The following GREB1 variants were observed in gnomAD, a reference collection of about 807,000 sequenced individuals.
GREB1 encodes protein GREB1.
GREB1 carries 106 observed loss-of-function variants against 200.7 expected under a neutral mutation model. The ratio of observed to expected loss-of-function variants is 0.53; its 90% CI spans 0.45 to 0.62. GREB1 has a LOEUF of 0.62. Ranked by LOEUF, GREB1 falls within the 20% of genes least tolerant of loss-of-function variation. GREB1 has a pLI of 0.00. For synonymous variants in GREB1, 1,132 were observed against 1,092.4 expected (o/e 1.04, Z -0.72); for missense variants, 2,243 against 2,556.8 (o/e 0.88, Z 2.65).
chr2:11,506,284 A>G (rs1673181314), intron 1 of GREB1, among the ~76,000 whole-genome samples: 1 of 152,208 alleles, frequency 6.6e-6, no homozygotes, highest in Non-Finnish European at 1.5e-5. Flanking sequence ...TAATGTGCCA[A>G]CAGGTAGTTA....
At chr2:11,483,258 G>A (rs1672554264) in intron 1 of GREB1, among the ~76,000 whole-genome samples, 2 of 150,824 alleles carry the variant, frequency 1.3e-5, no homozygotes, top group African/African-American at 4.9e-5. Context: ...GTGTGCGTGT[G>A]TGCACGTGTG....
chr2:11,620,375 G>C (rs1256821734), intron 22 of GREB1, among the ~76,000 whole-genome samples: 2 of 152,162 alleles, frequency 1.3e-5, no homozygotes, highest in Non-Finnish European at 2.9e-5. Flanking sequence ...TTAATAGGAG[G>C]TATGCTAGCC....
chr2:11,583,215 A>G (rs1239824541), intron 7 of GREB1, among the ~76,000 whole-genome samples: 6 of 152,202 alleles, frequency 3.9e-5, no homozygotes, highest in East Asian at 1.9e-4. Context: ...CGTCTCTTCA[A>G]TCCTTACTGA....
chr2:11,615,229 G>A lies in GREB1; in HGVS notation c.3261G>A (p.Leu1087=). Residue 1087 remains leucine (L), a synonymous_variant, in exon 20 of 33, where the codon TTG becomes TTA. Coordinates refer to ENST00000381486, the MANE Select transcript of GREB1 (RefSeq NM_014668.4). The part of the protein sequence containing the change: ...PLEKGARNEA[L]ESDAEKLSST... ...AGAAGGGGGCTAGGAACGAGGCCTT[G>A]GAGAGTGATGCTGAGAAGCTGAGCA... 1 of 1,612,870 alleles carries A rather than the reference G, an allele frequency of 6.2e-7. No individual in the cohort carries two copies. The highest frequency in any genetic ancestry group is 2.2e-5 in the East Asian group (1 of 44,832).
At chr2:11,626,840 C>A in intron 24 of GREB1, 122 bp from the exon 25 acceptor site, 1 of 1,015,054 alleles carries the variant, frequency 9.9e-7, no homozygotes, top group Non-Finnish European at 1.5e-6. Flanking sequence ...AGGCAGTCCT[C>A]CCCAACCAGA....
chr2:11,496,225 G>T (rs1481906048), intron 1 of GREB1, among the ~76,000 whole-genome samples: 2 of 152,188 alleles, frequency 1.3e-5, no homozygotes. Context: ...GCTGATCCCA[G>T]CTCACAGGGA....
chr2:11,632,922 A>G lies in GREB1; in HGVS notation c.4850A>G (p.Tyr1617Cys), dbSNP rs1248459247. The G allele has an allele frequency of 3.1e-6, 5 of 1,614,076 alleles. No homozygotes were observed. The highest frequency in any genetic ancestry group is 4.2e-6 in the Non-Finnish European group (5 of 1,179,984). ...CATTTCCTCATCAAGGAGCTGTCCT[A>G]CCATAACCTGGAGCTCGAGCGGAAC... ...AAHFLIKELS[Y>C]HNLELERNRQ... Residue 1617 changes from tyrosine (Y) to cysteine (C), a missense_variant, in exon 28 of 33, where the codon TAC becomes TGC. Coordinates refer to ENST00000381486, the MANE Select transcript of GREB1 (RefSeq NM_014668.4).
intron 10 of GREB1, chr2:11,591,308 G>GAGAT: frequency 1.4e-6 from 1 of 711,904 alleles, no homozygotes; most frequent in South Asian, 1.5e-5. Flanking sequence ...GAAACCATGG[G>GAGAT]AGATAGCTCA....
intron 26 of GREB1, among the ~76,000 whole-genome samples, chr2:11,630,948 T>C (rs1397870521): frequency 6.6e-6 from 1 of 152,232 alleles, no homozygotes; most frequent in Non-Finnish European, 1.5e-5. Flanking sequence ...GAGTTGCCCC[T>C]GGCCTTTCAG....
upstream of GREB1, among the ~76,000 whole-genome samples, chr2:11,531,318 G>A (rs192480137): frequency 6.6e-6 from 1 of 152,270 alleles, no homozygotes. Flanking sequence ...CTTGCCTGCT[G>A]GAGATAGGCA....
intron 4 of GREB1, among the ~76,000 whole-genome samples, chr2:11,569,533 G>T (rs920882488): frequency 4.6e-5 from 7 of 152,166 alleles, no homozygotes; most frequent in African/African-American, 1.7e-4. Flanking sequence ...AAAAATGAGT[G>T]GAATTCTGCC....
chr2:11,530,669 A>T (rs13010352), upstream of GREB1, among the ~76,000 whole-genome samples: 1 of 126 alleles, frequency 7.9e-3, no homozygotes, highest in African/African-American at 0.056. Flanking sequence ...ATGTGAGTTA[A>T]TGGGGGGCAG....
intron 1 of GREB1, among the ~76,000 whole-genome samples, chr2:11,527,194 C>T (rs971718060): frequency 6.6e-6 from 1 of 152,058 alleles, no homozygotes; most frequent in African/African-American, 2.4e-5. Context: ...TTAGTCATTG[C>T]TTATTTTTTG....
intron 18 of GREB1, among the ~76,000 whole-genome samples, chr2:11,611,840 A>T (rs1682957959): frequency 6.6e-6 from 1 of 152,154 alleles, no homozygotes. Flanking sequence ...GGAAAGAACA[A>T]ATGAGTGGAA....
chr2:11,566,116 T>A lies in GREB1; in HGVS notation c.278-364T>A, dbSNP rs116197437. Among the ~76,000 whole-genome samples the A allele has an allele frequency of 3.2e-3, 489 of 152,180 alleles. 5 individuals carry two copies. The highest frequency in any genetic ancestry group is 0.011 in the African/African-American group (475 of 41,480). ...TCACTGCAACCTCTGCCTTACGGGT[T>A]CAAATGATTCTCCTGCCCCAGCCTG... On this transcript the variant is annotated intron_variant, in intron 3 of 32. Coordinates refer to ENST00000381486, the MANE Select transcript of GREB1 (RefSeq NM_014668.4).
At chr2:11,617,345 G>A (rs571635761) in intron 21 of GREB1, among the ~76,000 whole-genome samples, 1 of 152,326 alleles carries the variant, frequency 6.6e-6, no homozygotes, top group South Asian at 2.1e-4. Context: ...CCATCAGCAC[G>A]CACAGTCCCT....
chr2:11,630,116 G>A lies in GREB1; in HGVS notation c.4611+7G>A, dbSNP rs770214406. ...ACCCCTCGTGACAGACAAGGTACTG[G>A]CTCAGAGACCTAGTGGGACAGATCC... On this transcript the variant is annotated splice_region_variant and intron_variant, in intron 26 of 32. Coordinates refer to ENST00000381486, the MANE Select transcript of GREB1 (RefSeq NM_014668.4). 2 of 1,613,982 alleles carry A rather than the reference G, an allele frequency of 1.2e-6. No homozygotes were observed. The highest frequency in any genetic ancestry group is 3.3e-5 in the Admixed American group (2 of 60,016).
At chr2:11,620,875 C>T in intron 22 of GREB1, 30 bp from the exon 23 acceptor site, 1 of 1,373,118 alleles carries the variant, frequency 7.3e-7, no homozygotes, top group African/African-American at 1.4e-5. Flanking sequence ...GGCTTCCTCA[C>T]TGGGGGTTTT....
intron 1 of GREB1, among the ~76,000 whole-genome samples, chr2:11,500,576 A>G (rs1394300316): frequency 6.6e-6 from 1 of 152,062 alleles, no homozygotes; most frequent in Non-Finnish European, 1.5e-5. Context: ...CTGGGATTAC[A>G]TGCATGAGCC....
Sources: allele counts gnomAD v4.1 joint callset (sites outside exome capture counted in the v4.1 genomes callset), GRCh38; gene constraint gnomAD v4.1.1; transcripts MANE v1.5; gene names NCBI Gene and HGNC (gene_info 2026-07-23, HGNC 2026-07-21).